The following PRPF31 variants were observed in gnomAD, a reference collection of about 807,000 sequenced individuals.
PRPF31 encodes the protein pre-mRNA processing factor 31.
PRPF31 carries 12 observed loss-of-function variants against 60.4 expected under a neutral mutation model. The ratio of observed to expected loss-of-function variants is 0.20; its 90% CI spans 0.13 to 0.32. The LOEUF is 0.32. Among genes scored for constraint, PRPF31 ranks in the 10% least tolerant of loss-of-function variants. PRPF31 has a pLI of 1.00. For synonymous variants in PRPF31, 287 were observed against 287.9 expected (o/e 1.00, Z 0.03); for missense variants, 431 against 687.1 (o/e 0.63, Z 4.17).
At chr19:54,125,000 G>A in intron 8 of PRPF31, 1 of 453,690 alleles carries the variant, frequency 2.2e-6, no homozygotes, top group South Asian at 2.3e-5. Flanking sequence ...GGGTTAGCGT[G>A]CAACTGCTCC....
chr19:54,128,208 G>A lies in PRPF31; in HGVS notation c.1073+8G>A. On this transcript the variant is annotated splice_region_variant and intron_variant, in intron 10 of 13. Coordinates refer to ENST00000321030, the MANE Select transcript of PRPF31 (RefSeq NM_015629.4). ...GAAGCGAGGCGGCCGCAGGTGAGGG[G>A]CCCTGGGGGTCCGGTAGGCATGGGG... 2 of 1,570,450 alleles carry A rather than the reference G, an allele frequency of 1.3e-6. No individual in the cohort carries two copies. The highest frequency in any genetic ancestry group is 1.2e-5 in the South Asian group (1 of 85,452).
At position 54,121,937 on chromosome 19, in the gene PRPF31, G is replaced by A; in HGVS notation, c.316G>A (p.Glu106Lys). 6.2e-7 allele frequency: 1 copy of A among 1,611,512 alleles called. No homozygotes were observed. The highest frequency in any genetic ancestry group is 8.5e-7 in the Non-Finnish European group (1 of 1,179,022). ...ANNLTVEIEN[E>K]LNIIHKFIRD... ...CAACCTGACCGTGGAGATCGAAAACGAGCTGAGTGAGTGCTGGGGGGCAGG... is the reference window on the plus strand; with the variant it reads ...CAACCTGACCGTGGAGATCGAAAACAAGCTGAGTGAGTGCTGGGGGGCAGG... Residue 106 changes from glutamate to lysine, a missense_variant, in exon 4 of 14, where the codon GAG (glutamate) becomes AAG (lysine). This residue lies in a region of PRPF31 where 113 missense variants were observed against 173.8 expected (regional missense o/e 0.65). Coordinates refer to ENST00000321030, the MANE Select transcript of PRPF31 (RefSeq NM_015629.4).
At chr19:54,123,362 C>T (rs2073839818) in intron 5 of PRPF31, 92 bp from the exon 6 acceptor site, 7 of 974,490 alleles carry the variant, frequency 7.2e-6, no homozygotes, top group Non-Finnish European at 1.2e-5. Context: ...CCCAGTGTCC[C>T]TAAGAAGAGA....
At chr19:54,117,321 TC>T (rs1347503880) in intron 1 of PRPF31, among the ~76,000 whole-genome samples, 1 of 152,186 alleles carries the variant, frequency 6.6e-6, no homozygotes, top group East Asian at 1.9e-4. Flanking sequence ...GAAGACCATT[TC>T]AAGCTTTAGG....
intron 7 of PRPF31, 22 bp from the exon 8 acceptor site, chr19:54,124,477 T>TCCTC (rs761511073): frequency 1.4e-6 from 2 of 1,443,930 alleles, no homozygotes; most frequent in South Asian, 1.1e-5. Flanking sequence ...CGCCCCCCCT[T>TCCTC]CCTCCCTCCC....
intron 9 of PRPF31, 100 bp downstream of exon 9, chr19:54,126,717 C>A: frequency 8.3e-7 from 1 of 1,208,142 alleles, no homozygotes; most frequent in Non-Finnish European, 1.2e-6. Flanking sequence ...CCAGCGAGCA[C>A]TGTCCTACCA....
At chr19:54,130,062 C>A (rs1283200515) in intron 13 of PRPF31, among the ~76,000 whole-genome samples, 2 of 150,912 alleles carry the variant, frequency 1.3e-5, no homozygotes, top group Non-Finnish European at 3.0e-5. Flanking sequence ...GCAGAAATGC[C>A]AGGCCGGGCG....
At chr19:54,123,066 G>C (rs1296133902) in intron 5 of PRPF31, 2 of 459,858 alleles carry the variant, frequency 4.3e-6, no homozygotes, top group Non-Finnish European at 8.0e-6. Context: ...GTGTGCGTGA[G>C]GGCGGGGAGA....
chr19:54,126,392 C>T, intron 8 of PRPF31, 136 bp from the exon 9 acceptor site: 1 of 778,084 alleles, frequency 1.3e-6, no homozygotes, highest in Non-Finnish European at 2.2e-6. Context: ...AGAGCACACA[C>T]CTCTAGAGCC....
At chr19:54,122,949 G>A (rs74866889) in intron 5 of PRPF31, 6,270 of 484,078 alleles carry the variant, frequency 0.013, 326 homozygotes, top group African/African-American at 0.11. Context: ...GGGAACAAGT[G>A]GGGAGGAAGT....
chr19:54,129,869 C>T (rs979488218), intron 13 of PRPF31, among the ~76,000 whole-genome samples: 1 of 151,938 alleles, frequency 6.6e-6, no homozygotes, highest in Non-Finnish European at 1.5e-5. Flanking sequence ...GCCTGCACCA[C>T]GGAGGCGAGA....
chr19:54,118,275 C>G lies in PRPF31; in HGVS notation c.-4C>G. ...AACGCTGCTGTCCCTCCCCAGGCCTCGGGATGTCTCTGGCAGATGAGCTCT... is the reference window on the plus strand; with the variant it reads ...AACGCTGCTGTCCCTCCCCAGGCCTGGGGATGTCTCTGGCAGATGAGCTCT... On this transcript the variant is annotated 5_prime_UTR_variant, in exon 2 of 14. Transcript: ENST00000321030. The G allele has an allele frequency of 6.2e-7, 1 of 1,612,600 alleles. No individual in the cohort carries two copies. The highest frequency in any genetic ancestry group is 8.5e-7 in the Non-Finnish European group (1 of 1,179,942).
chr19:54,128,354 G>A lies in PRPF31; in HGVS notation c.1123G>A (p.Ala375Thr), dbSNP rs1370041345. 10 of 1,540,342 alleles carry A rather than the reference G, an allele frequency of 6.5e-6. No individual in the cohort carries two copies. The highest frequency in any genetic ancestry group is 8.8e-6 in the Non-Finnish European group (10 of 1,142,318). The change falls in exon 11 of 14, where the codon GCC becomes ACC. Residue 375 changes from alanine (A) to threonine (T), a missense_variant. By Grantham distance (58) the Ala-to-Thr change is moderately conservative. Transcript: ENST00000321030. Reference sequence around the variant, plus strand: ...GGGGCTGACGGAGATCCGGAAGCAGGCCAACCGTATGAGCTTCGGAGAGGT... The same window carrying A: ...GGGGCTGACGGAGATCCGGAAGCAGACCAACCGTATGAGCTTCGGAGAGGT... ...RLGLTEIRKQ[A>T]NRMSFGEIEE...
At chr19:54,127,302 G>A (rs1279200798) in intron 9 of PRPF31, among the ~76,000 whole-genome samples, 5 of 152,002 alleles carry the variant, frequency 3.3e-5, no homozygotes, top group African/African-American at 7.2e-5. Flanking sequence ...CCCTTAGCTC[G>A]TGGCCCTCCC....
At chr19:54,129,222 G>A (rs1301380841) in intron 12 of PRPF31, 37 bp downstream of exon 12, 2 of 1,600,208 alleles carry the variant, frequency 1.2e-6, no homozygotes, top group East Asian at 2.3e-5. Context: ...GGGACCGAGG[G>A]ACACAAGGTG....
At chr19:54,118,850 G>A (rs758197348) in intron 3 of PRPF31, 1 of 604,044 alleles carries the variant, frequency 1.7e-6, no homozygotes, top group African/African-American at 1.9e-5. Flanking sequence ...TGAGCTTACT[G>A]ATCATGATAG....
rs1306991159 is a variant in PRPF31, at chr19:54,131,429, C to T, written c.1497C>T (p.Thr499=). The change falls in exon 14 of 14, where the codon ACC becomes ACT. Residue 499 remains threonine (T), a synonymous_variant. Coordinates refer to ENST00000321030, the MANE Select transcript of PRPF31 (RefSeq NM_015629.4). The part of the protein sequence containing the change: ...VKGEKSGLMS[T] Reference sequence around the variant, plus strand: ...GCGAGAAGAGTGGCCTTATGTCCACCTGAATGACTGCGTGTGTCCAAGGTG... The same window carrying T: ...GCGAGAAGAGTGGCCTTATGTCCACTTGAATGACTGCGTGTGTCCAAGGTG... 2 of 1,613,962 alleles carry T rather than the reference C, an allele frequency of 1.2e-6. No homozygotes were observed. Among genetic ancestry groups the T allele is most frequent in the Non-Finnish European group, 1.7e-6 (2 of 1,180,026 alleles).
chr19:54,131,450 A>G lies in PRPF31; in HGVS notation c.*18A>G. ...CCACCTGAATGACTGCGTGTGTCCA[A>G]GGTGGCTTCCCACTGAAGGGACACA... On this transcript the variant is annotated 3_prime_UTR_variant, in exon 14 of 14. Coordinates refer to ENST00000321030, the MANE Select transcript of PRPF31 (RefSeq NM_015629.4). 3 of 1,613,894 alleles carry G rather than the reference A, an allele frequency of 1.9e-6. No homozygotes were observed. Among genetic ancestry groups the G allele is most frequent in the Non-Finnish European group, 1.7e-6 (2 of 1,179,954 alleles).
rs1342935614 is a variant in PRPF31 at position 54,121,939 on chromosome 19, G to A, written c.318G>A (p.Glu106=). The change falls in exon 4 of 14, where the codon GAG becomes GAA. Residue 106 remains glutamate (E), a synonymous_variant. Transcript: ENST00000321030. ...ANNLTVEIEN[E]LNIIHKFIRD... is the part of the protein sequence containing the mutation. Reference sequence around the variant, plus strand: ...ACCTGACCGTGGAGATCGAAAACGAGCTGAGTGAGTGCTGGGGGGCAGGCG... The same window carrying A: ...ACCTGACCGTGGAGATCGAAAACGAACTGAGTGAGTGCTGGGGGGCAGGCG... 3 of 1,611,482 alleles carry A rather than the reference G, an allele frequency of 1.9e-6. No homozygotes were observed. Among genetic ancestry groups the A allele is most frequent in the Non-Finnish European group, 2.5e-6 (3 of 1,179,044 alleles).
Sources: allele counts gnomAD v4.1 joint callset (sites outside exome capture counted in the v4.1 genomes callset), GRCh38; gene constraint gnomAD v4.1.1; regional missense constraint gnomAD v4.1.1; transcripts MANE v1.5; gene names NCBI Gene and HGNC (gene_info 2026-07-23, HGNC 2026-07-21).